RSPH1: variants seen among roughly 807,000 people sequenced by gnomAD.
The protein encoded by RSPH1 is radial spoke head component 1, also known as radial spoke head 1 homolog.
RSPH1 carries 32 observed loss-of-function variants against 44.2 expected under a neutral mutation model. The observed-to-expected ratio is 0.72, with a 90% CI of 0.55 to 0.97. RSPH1 has a LOEUF of 0.97. RSPH1 is among the 50% of genes least tolerant of loss of function. The probability of loss-of-function intolerance (pLI) is 0.00; values close to 1 mark genes in which losing one functional copy is unlikely to be tolerated. For synonymous variants in RSPH1, 134 were observed against 147.3 expected (o/e 0.91, Z 0.65); for missense variants, 391 against 398.7 (o/e 0.98, Z 0.16).
chr21:42,475,958 C>G lies in RSPH1; in HGVS notation c.817G>C (p.Val273Leu). 1 of 1,612,292 alleles carries G rather than the reference C, an allele frequency of 6.2e-7. No individual in the cohort carries two copies. Among genetic ancestry groups the G allele is most frequent in the Non-Finnish European group, 8.5e-7 (1 of 1,179,646 alleles). ...TACTCCCGGCTCTCTTCCCGGAGGA[C>G]GTCTGCATCTTCATCTCCAGGCCTC... is the stretch of plus-strand genomic sequence containing the variant. ...DMRPGDEDAD[V>L]LREESREYDQ... The change falls in exon 8 of 9, where the codon GTC (valine) becomes CTC (leucine). Residue 273 changes from valine (V) to leucine (L), a missense_variant. Transcript: ENST00000291536.
At chr21:42,476,126 T>G (rs1294739035) in intron 7 of RSPH1, 79 bp from the exon 8 acceptor site, 10 of 1,432,054 alleles carry the variant, frequency 7.0e-6, no homozygotes, top group Non-Finnish European at 9.6e-6. Context: ...AGCTGTCCCC[T>G]GGGCTGCCGT....
intron 3 of RSPH1, among the ~76,000 whole-genome samples, chr21:42,490,015 GCT>G (rs2054220674): frequency 6.6e-6 from 1 of 152,164 alleles, no homozygotes; most frequent in Non-Finnish European, 1.5e-5. Flanking sequence ...GAATAGGGAT[GCT>G]CTTTCTCCCC....
In RSPH1 at chr21:42,495,248, G is replaced by A. The variant is rs372694901; in HGVS notation, c.54+885C>T. ...TCCATACTGGGCAGGTAGTTCCAGC[G>A]CACAGAGGTGATAGCTTGAGTAGCA... On this transcript the variant is annotated intron_variant, in intron 1 of 8. Coordinates refer to ENST00000291536, the MANE Select transcript of RSPH1 (RefSeq NM_080860.4). 1.2e-4 allele frequency among the ~76,000 whole-genome samples: 19 copies of A among 152,338 alleles called. 1 individual carries two copies. In the East Asian group the frequency reaches 2.1e-3, roughly 17 times the overall value.
At chr21:42,494,858 C>T (rs894329469) in intron 1 of RSPH1, among the ~76,000 whole-genome samples, 1 of 152,056 alleles carries the variant, frequency 6.6e-6, no homozygotes, top group Non-Finnish European at 1.5e-5. Flanking sequence ...CGCCACCATG[C>T]CCGGCTAATT....
chr21:42,480,795 A>G (rs1010474863), intron 6 of RSPH1, among the ~76,000 whole-genome samples: 3 of 152,146 alleles, frequency 2.0e-5, no homozygotes, highest in African/African-American at 7.2e-5. Context: ...GGCGGCACAG[A>G]GCAGGTGCGG....
At chr21:42,477,663 T>C (rs2054082635) in intron 6 of RSPH1, among the ~76,000 whole-genome samples, 1 of 152,084 alleles carries the variant, frequency 6.6e-6, no homozygotes, top group Non-Finnish European at 1.5e-5. Context: ...AGGAATAAAG[T>C]CTCCAGAGCA....
At chr21:42,486,169 G>A in intron 4 of RSPH1, 1 of 589,840 alleles carries the variant, frequency 1.7e-6, no homozygotes, top group Non-Finnish European at 3.0e-6. Flanking sequence ...CCCAACTGAG[G>A]TGCAGATGTC....
At chr21:42,479,058 A>G (rs2054099647) in intron 6 of RSPH1, among the ~76,000 whole-genome samples, 1 of 152,354 alleles carries the variant, frequency 6.6e-6, no homozygotes, top group South Asian at 2.1e-4. Context: ...TCACAGCTGC[A>G]CAACACTGAA....
In RSPH1 at chr21:42,476,006, C is replaced by G. The variant is rs759138992; in HGVS notation, c.769G>C (p.Gly257Arg). 5 of 1,613,394 alleles carry G rather than the reference C, an allele frequency of 3.1e-6. No homozygotes were observed. Among genetic ancestry groups the G allele is most frequent in the Non-Finnish European group, 3.4e-6 (4 of 1,179,886 alleles). The change falls in exon 8 of 9, where the codon GGC becomes CGC. Residue 257 changes from glycine (G) to arginine (R), a missense_variant. By Grantham distance (125) the Gly-to-Arg change is moderately radical. Coordinates refer to ENST00000291536, the MANE Select transcript of RSPH1 (RefSeq NM_080860.4). ...CTCATGTCCATCTCACCCTCGAAGC[C>G]CTCCAGCAGAGCCTGGGCCTCCTCC... ...PGEEAQALLE[G>R]FEGEMDMRPG... is the part of the protein sequence containing the mutation.
intron 7 of RSPH1, 50 bp downstream of exon 7, chr21:42,477,241 G>A (rs2054073186): frequency 1.6e-6 from 2 of 1,283,516 alleles, no homozygotes; most frequent in East Asian, 6.1e-5. Context: ...GCCCGGGGGT[G>A]CCCCACACCC....
At chr21:42,481,659 T>A (rs1308481801) in intron 6 of RSPH1, among the ~76,000 whole-genome samples, 1 of 152,208 alleles carries the variant, frequency 6.6e-6, no homozygotes, top group Non-Finnish European at 1.5e-5. Flanking sequence ...ACAGTGAGAA[T>A]GACCTCATCT....
Position 42,475,870 on chromosome 21 carries a change from G to A in RSPH1, c.877+28C>T, listed in dbSNP as rs201868666. 3.1e-4 allele frequency: 503 copies of A among 1,606,224 alleles called. 3 individuals are homozygous for A. The East Asian group carries it at 8.8e-3, about 28-fold the overall frequency. The stretch of plus-strand genomic sequence containing the variant: ...TCGTGGCCCCTAAGTGCGGGCCCTC[G>A]CCCCACTTCCCTGCGCAGGGACCTC... On this transcript the variant is annotated intron_variant, in intron 8 of 8. Coordinates refer to ENST00000291536, the MANE Select transcript of RSPH1 (RefSeq NM_080860.4).
At chr21:42,478,486 C>T (rs1215066847) in intron 6 of RSPH1, among the ~76,000 whole-genome samples, 3 of 152,200 alleles carry the variant, frequency 2.0e-5, no homozygotes, top group East Asian at 1.9e-4. Flanking sequence ...GGGATAGCGT[C>T]CAATAAGCTG....
chr21:42,482,227 G>C lies in RSPH1; in HGVS notation c.573+410C>G, dbSNP rs2054135195. 2.0e-5 allele frequency among the ~76,000 whole-genome samples: 3 copies of C among 152,300 alleles called. No individual in the cohort carries two copies. In the South Asian group the frequency reaches 6.2e-4, roughly 32 times the overall value. ...GCCTCCTGAGTAGCTGGGATTACAG[G>C]CATGCGCCACCATGCCCAGCTAATT... On this transcript the variant is annotated intron_variant, in intron 6 of 8. Coordinates refer to ENST00000291536, the MANE Select transcript of RSPH1 (RefSeq NM_080860.4).
At position 42,482,548 on chromosome 21, in the gene RSPH1, G is replaced by C; in HGVS notation, c.573+89C>G. The C allele has an allele frequency of 4.4e-6, 4 of 903,142 alleles. 1 individual carries two copies. In the South Asian group the frequency reaches 6.4e-5, roughly 14 times the overall value. 55.9% of individuals were successfully genotyped at this position (903,142 alleles called of 1,614,324 possible). On this transcript the variant is annotated intron_variant, in intron 6 of 8. Transcript: ENST00000291536. ...GCCTAAGAGTTGGCATAACTTTTAG[G>C]CGAATCACCTCCAACCTTGCAGGAT...
rs2054079893 is a variant in RSPH1 at position 42,477,464 on chromosome 21, G to A, written c.574-20C>T. The A allele has an allele frequency of 2.5e-6, 4 of 1,611,664 alleles. No individual in the cohort carries two copies. Among genetic ancestry groups the A allele is most frequent in the South Asian group, 1.1e-5 (1 of 91,050 alleles). On this transcript the variant is annotated intron_variant, in intron 6 of 8. Coordinates refer to ENST00000291536, the MANE Select transcript of RSPH1 (RefSeq NM_080860.4). ...TCTTTCCTATTTTAAGTGCAAAAAT[G>A]TACATTTACCAACATTTGTGTCATC...
chr21:42,477,227 CA>C, intron 7 of RSPH1, 63 bp downstream of exon 7: 1 of 938,632 alleles, frequency 1.1e-6, no homozygotes, highest in South Asian at 1.8e-5. Flanking sequence ...CCCTCTGTCC[CA>C]CAGCCCGGGG....
chr21:42,491,185 G>C (rs980167866), intron 3 of RSPH1, among the ~76,000 whole-genome samples: 2 of 152,162 alleles, frequency 1.3e-5, no homozygotes, highest in African/African-American at 4.8e-5. Context: ...GCCGAGTCAG[G>C]TAGAACTGTG....
intron 1 of RSPH1, among the ~76,000 whole-genome samples, chr21:42,494,267 T>C (rs2054264627): frequency 6.6e-6 from 1 of 152,170 alleles, no homozygotes; most frequent in Admixed American, 6.5e-5. Context: ...TATTAAAAAT[T>C]AAAATTAAGA....
Sources: gnomAD v4.1 joint callset for allele counts (sites outside exome capture counted in the v4.1 genomes callset) on GRCh38, gnomAD v4.1.1 for gene constraint, MANE v1.5 for transcripts, NCBI Gene and HGNC (gene_info 2026-07-23, HGNC 2026-07-21) for gene names.